C2orf42: variants seen among roughly 807,000 people sequenced by gnomAD.
The protein encoded by C2orf42 is uncharacterized protein C2orf42.
Under a neutral mutation model 58.9 loss-of-function variants are expected in C2orf42, and 44 were observed. That is an observed-to-expected ratio of 0.75 (90% CI 0.59 to 0.96). The LOEUF is 0.96. Ranked by LOEUF, C2orf42 falls within the 40% of genes least tolerant of loss-of-function variation. The probability of loss-of-function intolerance (pLI) is 0.00; values close to 1 mark genes in which losing one functional copy is unlikely to be tolerated. For synonymous variants in C2orf42, 239 were observed against 265.4 expected (o/e 0.90, Z 0.97); for missense variants, 630 against 699.2 (o/e 0.90, Z 1.12).
intron 4 of C2orf42, among the ~76,000 whole-genome samples, chr2:70,176,244 T>C (rs957738672): frequency 1.3e-5 from 2 of 152,152 alleles, no homozygotes; most frequent in African/African-American, 4.8e-5. Context: ...AATTATTCGT[T>C]CTGTAATCCC....
chr2:70,185,051 C>T (rs575539525), intron 1 of C2orf42, among the ~76,000 whole-genome samples: 1 of 150,440 alleles, frequency 6.6e-6, no homozygotes, highest in Non-Finnish European at 1.5e-5. Context: ...GATCATGCCA[C>T]TGCACTCCAG....
At chr2:70,189,406 C>CAAAAAAAAAAAAAA (rs1182514916) in intron 1 of C2orf42, among the ~76,000 whole-genome samples, 2 of 27,126 alleles carry the variant, frequency 7.4e-5, no homozygotes, top group African/African-American at 1.9e-4. Flanking sequence ...AACTCCATCT[C>CAAAAAAAAAAAAAA]AAAAAAAAAA....
rs1002018871 is a variant in C2orf42 at position 70,160,680 on chromosome 2, A to T, written c.1461T>A (p.Arg487=). 6.2e-7 allele frequency: 1 copy of T among 1,613,026 alleles called. No homozygotes were observed. Among genetic ancestry groups the T allele is most frequent in the African/African-American group, 1.3e-5 (1 of 74,824 alleles). The change falls in exon 9 of 10, where the codon CGT becomes CGA. Residue 487 remains arginine, a synonymous_variant. Transcript: ENST00000264434. The part of the protein sequence containing the change: ...EVESIAETYG[R]IEKQPVLRPL... ...GTCGCAGCACTGGTTGTTTTTCTAT[A>T]CGACCGTAGGTTTCTGCTATGCTTT...
In C2orf42 at chr2:70,181,578, G is replaced by A; in HGVS notation, c.408C>T (p.Ile136=). 1 of 1,614,114 alleles carries A rather than the reference G, an allele frequency of 6.2e-7. No individual in the cohort carries two copies. Among genetic ancestry groups the A allele is most frequent in the Non-Finnish European group, 8.5e-7 (1 of 1,180,036 alleles). ...QGVVENQCQH[I]KLAVNCQAEA... ...CTGCCTGGCAGTTCACCGCCAGCTTGATGTGCTGGCACTGGTTTTCCACAA... is the reference window on the plus strand; with the variant it reads ...CTGCCTGGCAGTTCACCGCCAGCTTAATGTGCTGGCACTGGTTTTCCACAA... The change falls in exon 3 of 10, where the codon ATC becomes ATT. Residue 136 remains isoleucine (I), a synonymous_variant. Transcript: ENST00000264434.
intron 9 of C2orf42, among the ~76,000 whole-genome samples, chr2:70,152,124 CTAAA>C (rs1672351042): frequency 1.3e-5 from 2 of 152,190 alleles, no homozygotes; most frequent in South Asian, 4.1e-4. Context: ...CCACTTTAGC[CTAAA>C]TAGTCACCCC....
intron 9 of C2orf42, among the ~76,000 whole-genome samples, chr2:70,159,553 A>C: frequency 6.7e-6 from 1 of 149,290 alleles, no homozygotes; most frequent in East Asian, 2.0e-4. Context: ...ATGCCACTGC[A>C]CTCTATCCAG....
chr2:70,165,420 G>T (rs1673332307), intron 7 of C2orf42, 108 bp downstream of exon 7: 2 of 695,026 alleles, frequency 2.9e-6, no homozygotes, highest in Non-Finnish European at 5.1e-6. Context: ...CATGTGAGTA[G>T]AAGTCCTAAC....
intron 8 of C2orf42, among the ~76,000 whole-genome samples, chr2:70,164,248 G>A (rs1673250045): frequency 6.6e-6 from 1 of 151,800 alleles, no homozygotes; most frequent in Non-Finnish European, 1.5e-5. Flanking sequence ...GGTAGAGTGA[G>A]CCGTGACTGC....
chr2:70,154,022 C>A (rs1277022578), intron 9 of C2orf42, among the ~76,000 whole-genome samples: 1 of 149,924 alleles, frequency 6.7e-6, no homozygotes, highest in Non-Finnish European at 1.5e-5. Flanking sequence ...CACTGCACTC[C>A]AGCCTGGGTG....
At chr2:70,190,033 T>C (rs1245325542) in intron 1 of C2orf42, among the ~76,000 whole-genome samples, 1 of 152,150 alleles carries the variant, frequency 6.6e-6, no homozygotes, top group Admixed American at 6.6e-5. Flanking sequence ...GACATGGGAT[T>C]TGGGAAACAG....
chr2:70,183,434 T>C (rs1674708145), intron 1 of C2orf42, among the ~76,000 whole-genome samples: 1 of 151,670 alleles, frequency 6.6e-6, no homozygotes. Flanking sequence ...ATCTCTTTTT[T>C]TTTTTCTTCT....
In C2orf42 at chr2:70,179,560, T is replaced by C; in HGVS notation, c.906A>G (p.Ser302=). The C allele has an allele frequency of 6.5e-7, 1 of 1,540,938 alleles. No homozygotes were observed. Among genetic ancestry groups the C allele is most frequent in the African/African-American group, 1.4e-5 (1 of 73,530 alleles). ...ATACTTCATCCTTTCTCCTCTTCTT[T>C]GACTTAGAGGCAGTAGACTCACAAG... ...VSACESTASK[S]KKRRKDEVSG... Residue 302 remains serine (S), a synonymous_variant, in exon 4 of 10, where the codon TCA becomes TCG. Transcript: ENST00000264434.
At chr2:70,160,343 T>A (rs764687519) in intron 9 of C2orf42, among the ~76,000 whole-genome samples, 1 of 152,090 alleles carries the variant, frequency 6.6e-6, no homozygotes. Flanking sequence ...GGTTTCACCA[T>A]GTTGGCCAGG....
At position 70,181,626 on chromosome 2, in the gene C2orf42, G is replaced by A. The variant is rs148177612; in HGVS notation, c.360C>T (p.Cys120=). 2.7e-5 allele frequency: 43 copies of A among 1,614,104 alleles called. No homozygotes were observed. In the East Asian group the frequency reaches 8.9e-4, roughly 33 times the overall value. The change falls in exon 3 of 10, where the codon TGC becomes TGT. Residue 120 remains cysteine (C), a synonymous_variant. Transcript: ENST00000264434. ...LSSGRCYVPS[C]LKAATQGVVE... is the part of the protein sequence containing the mutation. ...CAACGCCTTGAGTGGCAGCTTTCAG[G>A]CATGAGGGGACATAACACCGTCCAG... is the stretch of plus-strand genomic sequence containing the variant.
At chr2:70,159,347 G>A (rs13030067) in intron 9 of C2orf42, among the ~76,000 whole-genome samples, 33,484 of 151,658 alleles carry the variant, frequency 0.22, 3,989 homozygotes, top group Non-Finnish European at 0.24. Flanking sequence ...TAGCACTTTG[G>A]GGGGCCGAGG....
At chr2:70,186,078 A>C (rs995441460) in intron 1 of C2orf42, among the ~76,000 whole-genome samples, 2 of 151,682 alleles carry the variant, frequency 1.3e-5, no homozygotes, top group African/African-American at 4.8e-5. Context: ...CCACTGATGT[A>C]GAGTCATTAG....
chr2:70,150,540 T>C lies in C2orf42; in HGVS notation c.1541A>G (p.Glu514Gly). 1 of 1,613,562 alleles carries C rather than the reference T, an allele frequency of 6.2e-7. No individual in the cohort carries two copies. Among genetic ancestry groups the C allele is most frequent in the Non-Finnish European group, 8.5e-7 (1 of 1,179,506 alleles). ...CCACTCGATGATGAAAGGTGTTGGC[T>C]CCTTTTGATCTGGGGAAGTGTTGCC... ...KVGNTSPDQK[E>G]PTPFIIEWIP... The change falls in exon 10 of 10, where the codon GAG becomes GGG. Residue 514 changes from glutamate to glycine, a missense_variant. Glu to Gly is a moderately conservative substitution (Grantham distance 98, BLOSUM62 -2). Transcript: ENST00000264434.
intron 4 of C2orf42, among the ~76,000 whole-genome samples, chr2:70,177,696 G>T (rs1674283348): frequency 1.3e-5 from 2 of 152,128 alleles, no homozygotes; most frequent in Admixed American, 1.3e-4. Flanking sequence ...CACTAGCCAT[G>T]CCAGAGAGCC....
chr2:70,175,471 T>G (rs115053006), intron 5 of C2orf42, among the ~76,000 whole-genome samples: 2,884 of 152,322 alleles, frequency 0.019, 35 homozygotes, highest in Non-Finnish European at 0.028. Flanking sequence ...CTGCATTAGT[T>G]TGCTAAGGAT....
Sources: gnomAD v4.1 joint callset for allele counts (sites outside exome capture counted in the v4.1 genomes callset) on GRCh38, gnomAD v4.1.1 for gene constraint, MANE v1.5 for transcripts, NCBI Gene and HGNC (gene_info 2026-07-23, HGNC 2026-07-21) for gene names.